Variants in PCDHA10 observed in about 807,000 individuals in gnomAD.
PCDHA10 encodes protocadherin alpha 10.
In PCDHA10, 45 loss-of-function variants were observed where a neutral mutation model predicts 61.2. The ratio of observed to expected loss-of-function variants is 0.74; its 90% CI spans 0.58 to 0.94. The LOEUF (loss-of-function observed/expected upper bound fraction) is 0.94, where lower values mean the gene tolerates loss of function less well. PCDHA10 is among the 40% of genes least tolerant of loss of function. PCDHA10 has a pLI of 0.00. For missense variants in PCDHA10, 1,278 were observed against 1,236.2 expected, an observed-to-expected ratio of 1.03 and a Z score of -0.51; for synonymous variants, 602 against 548.8, an observed-to-expected ratio of 1.10 and a Z score of -1.35.
At chr5:140,884,128 C>A (rs1554181251) in intron 1 of PCDHA10, 1 of 1,613,308 alleles carries the variant, frequency 6.2e-7, no homozygotes, top group Non-Finnish European at 8.5e-7. Flanking sequence ...GCGCGCGCAT[C>A]CCGTTCCGCG....
chr5:140,918,032 A>G (rs528006913), intron 1 of PCDHA10, among the ~76,000 whole-genome samples: 2 of 152,224 alleles, frequency 1.3e-5, no homozygotes, highest in East Asian at 1.9e-4. Context: ...TGAGCGTGGA[A>G]GGTCTTTCCA....
intron 1 of PCDHA10, chr5:140,929,179 G>C: frequency 6.2e-7 from 1 of 1,614,104 alleles, no homozygotes. Context: ...TCTGGGACTT[G>C]GTTCTGATAA....
chr5:140,948,885 T>C (rs2094319889), intron 1 of PCDHA10, among the ~76,000 whole-genome samples: 1 of 151,652 alleles, frequency 6.6e-6, no homozygotes, highest in Non-Finnish European at 1.5e-5. Context: ...TTGCTCTCTT[T>C]TAGATTTTAA....
At chr5:140,966,505 A>T in intron 1 of PCDHA10, 1 of 427,984 alleles carries the variant, frequency 2.3e-6, no homozygotes, top group Non-Finnish European at 4.1e-6. Context: ...CTGTAGCGGC[A>T]GCAGCAGCAG....
chr5:140,874,521 T>C (rs571924676), intron 1 of PCDHA10, among the ~76,000 whole-genome samples: 4 of 152,358 alleles, frequency 2.6e-5, no homozygotes, highest in African/African-American at 9.6e-5. Flanking sequence ...CTTTAGTCAA[T>C]GAGATTAGGC....
chr5:140,873,889 G>T (rs1373623503), intron 1 of PCDHA10, among the ~76,000 whole-genome samples: 2 of 152,182 alleles, frequency 1.3e-5, no homozygotes, highest in South Asian at 4.1e-4. Context: ...TTGAACTCCT[G>T]ACCTCAGGTG....
At chr5:140,907,100 C>T (rs1447787481) in intron 1 of PCDHA10, among the ~76,000 whole-genome samples, 2 of 152,098 alleles carry the variant, frequency 1.3e-5, no homozygotes, top group African/African-American at 4.8e-5. Flanking sequence ...GTGCCACTTC[C>T]ACTTCCACCC....
intron 1 of PCDHA10, chr5:140,966,879 GC>G: frequency 1.3e-6 from 2 of 1,587,514 alleles, no homozygotes; most frequent in Non-Finnish European, 1.7e-6. Flanking sequence ...CTGCTACCTG[GC>G]CCTGCGGCCT....
chr5:140,869,835 A>G (rs782478328), intron 1 of PCDHA10: 160 of 1,611,656 alleles, frequency 9.9e-5, no homozygotes, highest in Non-Finnish European at 1.3e-4. Context: ...AGTTTGATAA[A>G]TCAGAATATA....
intron 1 of PCDHA10, among the ~76,000 whole-genome samples, chr5:140,886,928 C>T (rs2061230435): frequency 6.6e-6 from 1 of 151,686 alleles, no homozygotes; most frequent in African/African-American, 2.4e-5. Flanking sequence ...TCTCTATGTG[C>T]CAGGCATGTT....
chr5:140,938,560 C>T (rs2092118397), intron 1 of PCDHA10, among the ~76,000 whole-genome samples: 1 of 143,272 alleles, frequency 7.0e-6, no homozygotes, highest in Non-Finnish European at 1.5e-5. Flanking sequence ...TTATTAATAG[C>T]ATGCATTATA....
chr5:140,888,487 ACT>A (rs1486157760), intron 1 of PCDHA10, among the ~76,000 whole-genome samples: 1 of 152,162 alleles, frequency 6.6e-6, no homozygotes, highest in Non-Finnish European at 1.5e-5. Flanking sequence ...CTGTTGAGAA[ACT>A]CTGCTTTAAA....
intron 1 of PCDHA10, among the ~76,000 whole-genome samples, chr5:140,896,047 G>T (rs1369678792): frequency 6.6e-6 from 1 of 152,138 alleles, no homozygotes; most frequent in Non-Finnish European, 1.5e-5. Context: ...CTGACCTCAG[G>T]TGATCCGCCT....
chr5:140,978,834 C>A (rs1294349430), intron 1 of PCDHA10, 115 bp from the exon 2 acceptor site: 3 of 1,546,580 alleles, frequency 1.9e-6, no homozygotes, highest in Non-Finnish European at 2.6e-6. Context: ...ATGGCTCATT[C>A]AATACTTTTT....
intron 1 of PCDHA10, among the ~76,000 whole-genome samples, chr5:140,905,954 C>G (rs1297429672): frequency 6.6e-6 from 1 of 152,158 alleles, no homozygotes; most frequent in Non-Finnish European, 1.5e-5. Context: ...ATCCGATGTT[C>G]AAGGGGAGGA....
At chr5:140,995,687 G>C (rs983290111) in intron 3 of PCDHA10, among the ~76,000 whole-genome samples, 3 of 152,062 alleles carry the variant, frequency 2.0e-5, no homozygotes, top group Admixed American at 6.5e-5. Context: ...TTTTTTAATT[G>C]TTAAATAAAG....
At chr5:140,883,502 G>T in intron 1 of PCDHA10, 1 of 1,614,160 alleles carries the variant, frequency 6.2e-7, no homozygotes, top group Non-Finnish European at 8.5e-7. Context: ...GCTGGACAGC[G>T]CCCTGGACCG....
At chr5:140,952,476 G>A (rs1231361903) in intron 1 of PCDHA10, among the ~76,000 whole-genome samples, 1 of 152,148 alleles carries the variant, frequency 6.6e-6, no homozygotes, top group East Asian at 1.9e-4. Context: ...TAAGGAAAGT[G>A]ACATTTGCTC....
chr5:141,004,869 A>T (rs908726845), intron 3 of PCDHA10, among the ~76,000 whole-genome samples: 3 of 152,218 alleles, frequency 2.0e-5, no homozygotes, highest in Non-Finnish European at 2.9e-5. Flanking sequence ...TTTGTTTCTC[A>T]TCCCTAAAGT....
Sources: gnomAD v4.1 joint callset for allele counts (sites outside exome capture counted in the v4.1 genomes callset) on GRCh38, gnomAD v4.1.1 for gene constraint, MANE v1.5 for transcripts, NCBI Gene and HGNC (gene_info 2026-07-23, HGNC 2026-07-21) for gene names.